Variants in OPHN1 observed in about 807,000 individuals in gnomAD.
The protein encoded by OPHN1 is oligophrenin-1.
OPHN1 carries 11 observed loss-of-function variants against 60.7 expected under a neutral mutation model. That is an observed-to-expected ratio of 0.18 (90% confidence interval 0.11 to 0.30). The LOEUF (loss-of-function observed/expected upper bound fraction) is 0.30, where lower values mean the gene tolerates loss of function less well. Ranked by LOEUF, OPHN1 falls within the 10% of genes least tolerant of loss-of-function variation. The probability of loss-of-function intolerance (pLI) is 1.00; values close to 1 mark genes in which losing one functional copy is unlikely to be tolerated. For synonymous variants in OPHN1, 226 were observed against 222.6 expected, an observed-to-expected ratio of 1.02 and a Z score of -0.14; for missense variants, 449 against 611.0, an observed-to-expected ratio of 0.73 and a Z score of 2.80.
chrX:68,207,992 C>G (rs758888788), intron 9 of OPHN1, among the ~76,000 whole-genome samples: 11 of 111,086 alleles, frequency 9.9e-5, no homozygotes, highest in African/African-American at 3.6e-4. Flanking sequence ...CCTTTTCCTT[C>G]TTTCTTTCTC....
intron 2 of OPHN1, among the ~76,000 whole-genome samples, chrX:68,422,142 G>C: frequency 9.0e-6 from 1 of 111,277 alleles, no homozygotes; most frequent in East Asian, 2.8e-4. Context: ...ATACTGAAAA[G>C]AAACCTTCCA....
intron 6 of OPHN1, among the ~76,000 whole-genome samples, chrX:68,221,036 C>T (rs1241910206): frequency 9.6e-6 from 1 of 104,527 alleles, no homozygotes; most frequent in Non-Finnish European, 2.0e-5. Context: ...GAAAACCCCA[C>T]TGTTTCAGCC....
At chrX:68,270,390 C>T (rs2077961091) in intron 5 of OPHN1, among the ~76,000 whole-genome samples, 1 of 110,423 alleles carries the variant, frequency 9.1e-6, no homozygotes, top group African/African-American at 3.3e-5. Flanking sequence ...ACATATACAC[C>T]ATGGAATACT....
At chrX:68,227,207 C>T (rs1415345540) in intron 6 of OPHN1, among the ~76,000 whole-genome samples, 2 of 111,868 alleles carry the variant, frequency 1.8e-5, no homozygotes, top group African/African-American at 6.5e-5. Context: ...GAAGAGCTAA[C>T]TATCCTAAAT....
chrX:68,245,416 C>T (rs1343818800), intron 5 of OPHN1, among the ~76,000 whole-genome samples: 1 of 112,229 alleles, frequency 8.9e-6, no homozygotes, highest in African/African-American at 3.2e-5. Context: ...CTATATAAAA[C>T]ATACTTTCTC....
Position 68,216,432 on chromosome X carries a change from G to C in OPHN1, c.487-2460C>G, listed in dbSNP as rs944393621. On this transcript the variant is annotated intron_variant, in intron 6 of 24. Transcript: ENST00000355520. ...CGTCAGTGATCTAAAAAAATTAAAAGATAGACTGTCATAGTGCACAAAAAT... is the reference window on the plus strand; with the variant it reads ...CGTCAGTGATCTAAAAAAATTAAAACATAGACTGTCATAGTGCACAAAAAT... Among the ~76,000 whole-genome samples the C allele has an allele frequency of 8.1e-5, 9 of 110,647 alleles. No homozygotes were observed. In the Admixed American group the frequency reaches 8.7e-4, roughly 11 times the overall value.
chrX:68,421,380 T>C (rs1462782526), intron 2 of OPHN1, among the ~76,000 whole-genome samples: 1 of 111,736 alleles, frequency 8.9e-6, no homozygotes, highest in East Asian at 2.8e-4. Context: ...AATCAATATT[T>C]CCCATGTTTT....
At chrX:68,265,844 G>A in intron 5 of OPHN1, among the ~76,000 whole-genome samples, 3 of 111,565 alleles carry the variant, frequency 2.7e-5, no homozygotes, top group Middle Eastern at 4.6e-3. Flanking sequence ...GGACCTGAAG[G>A]AGCTGAAAGT....
At chrX:68,265,937 G>T (rs1473387417) in intron 5 of OPHN1, among the ~76,000 whole-genome samples, 1 of 111,310 alleles carries the variant, frequency 9.0e-6, no homozygotes, top group Non-Finnish European at 1.9e-5. Context: ...AGTGACGGAA[G>T]ATCAAATGAA....
Position 68,183,320 on chromosome X carries a change from T to C in OPHN1, c.1276+9599A>G, listed in dbSNP as rs770564469. Reference sequence around the variant, plus strand: ...GAAGATACAATACTATGGAAGGTCATAATATGCCACCCCAAAATACAAAGA... The same window carrying C: ...GAAGATACAATACTATGGAAGGTCACAATATGCCACCCCAAAATACAAAGA... On this transcript the variant is annotated intron_variant, in intron 15 of 24. Coordinates refer to ENST00000355520, the MANE Select transcript of OPHN1 (RefSeq NM_002547.3). 7.1e-5 allele frequency among the ~76,000 whole-genome samples: 8 copies of C among 112,003 alleles called. No individual in the cohort carries two copies. The East Asian group carries it at 2.3e-3, about 32-fold the overall frequency.
chrX:68,078,984 A>AAAAT (rs373187258), intron 19 of OPHN1, among the ~76,000 whole-genome samples: 11,911 of 101,931 alleles, frequency 0.12, 823 homozygotes, highest in African/African-American at 0.18. Context: ...AGACTGTCTC[A>AAAAT]AAATAAATAA....
chrX:68,161,458 A>G (rs990496566), intron 15 of OPHN1, among the ~76,000 whole-genome samples: 4 of 111,292 alleles, frequency 3.6e-5, no homozygotes, highest in Middle Eastern at 4.6e-3. Flanking sequence ...ATTCCACTTC[A>G]TTACTTCATT....
chrX:68,151,633 T>C (rs1446843898), intron 15 of OPHN1, among the ~76,000 whole-genome samples: 1 of 111,458 alleles, frequency 9.0e-6, no homozygotes, highest in Non-Finnish European at 1.9e-5. Context: ...TGTCACCATA[T>C]ACTCACAATC....
chrX:68,239,211 A>T (rs28593526), intron 5 of OPHN1, among the ~76,000 whole-genome samples: 3 of 104,759 alleles, frequency 2.9e-5, no homozygotes, highest in African/African-American at 1.0e-4. Context: ...CCTGCTGGCA[A>T]CTGCTGGTGT....
chrX:68,145,802 T>G (rs1355954774), intron 15 of OPHN1, among the ~76,000 whole-genome samples: 2 of 112,276 alleles, frequency 1.8e-5, no homozygotes, highest in Non-Finnish European at 3.8e-5. Flanking sequence ...CTTTGTTTAG[T>G]CAAATTATGT....
intron 13 of OPHN1, among the ~76,000 whole-genome samples, 177 bp from the exon 14 acceptor site, chrX:68,194,129 T>C (rs1042926588): frequency 1.8e-5 from 2 of 112,339 alleles, no homozygotes; most frequent in African/African-American, 6.5e-5. Context: ...ATTTTAACTC[T>C]TATAACACAA....
intron 2 of OPHN1, among the ~76,000 whole-genome samples, chrX:68,304,844 A>AC (rs1420018522): frequency 9.0e-6 from 1 of 110,610 alleles, no homozygotes; most frequent in Non-Finnish European, 1.9e-5. Flanking sequence ...ACAAGGCCCT[A>AC]CCCCCAGAAA....
At chrX:68,071,015 C>T (rs2076932007) in intron 20 of OPHN1, 3 of 1,119,383 alleles carry the variant, frequency 2.7e-6, no homozygotes, top group East Asian at 6.0e-5. Context: ...AGAGAAGTGC[C>T]AGTCTCCATG....
intron 18 of OPHN1, among the ~76,000 whole-genome samples, chrX:68,104,387 A>T (rs28850881): frequency 8.9e-6 from 1 of 111,931 alleles, no homozygotes; most frequent in Non-Finnish European, 1.9e-5. Context: ...ACAAAGCTGG[A>T]GGCATCATGC....
Sources: allele counts gnomAD v4.1 joint callset (sites outside exome capture counted in the v4.1 genomes callset), GRCh38; gene constraint gnomAD v4.1.1; transcripts MANE v1.5; gene names NCBI Gene and HGNC (gene_info 2026-07-23, HGNC 2026-07-21).